TXNDC16: variants seen among roughly 807,000 people sequenced by gnomAD.
TXNDC16 encodes the protein thioredoxin domain containing 16.
TXNDC16 carries 74 observed loss-of-function variants against 85.6 expected under a neutral mutation model. The ratio of observed to expected loss-of-function variants is 0.86; its 90% CI spans 0.72 to 1.05. TXNDC16 has a LOEUF of 1.05. TXNDC16 is among the 50% of genes least tolerant of loss of function. The probability of loss-of-function intolerance (pLI) is 0.00; values close to 1 mark genes in which losing one functional copy is unlikely to be tolerated. For missense variants in TXNDC16, 959 were observed against 947.0 expected (o/e 1.01, Z -0.17); for synonymous variants, 335 against 326.5 (o/e 1.03, Z -0.28).
In TXNDC16 at chr14:52,540,454, A is replaced by G. The variant is rs1277278166; in HGVS notation, c.243+1917T>C. ...AGCCTGACCAATATGGTGAAACCCC[A>G]TCTCTACTAAAACTACAAAAATTAG... On this transcript the variant is annotated intron_variant, in intron 4 of 20. Coordinates refer to ENST00000281741, the MANE Select transcript of TXNDC16 (RefSeq NM_020784.3). Among the ~76,000 whole-genome samples the G allele has an allele frequency of 4.6e-5, 7 of 152,024 alleles. No individual in the cohort carries two copies. The East Asian group carries it at 1.4e-3, about 29-fold the overall frequency.
chr14:52,513,232 A>T (rs7154166), intron 8 of TXNDC16, among the ~76,000 whole-genome samples: 38,904 of 152,130 alleles, frequency 0.26, 5,101 homozygotes, highest in East Asian at 0.38. Flanking sequence ...GCCTTAACTG[A>T]TGTTATAAAG....
chr14:52,521,752 ATACT>A (rs2037216494), intron 6 of TXNDC16, among the ~76,000 whole-genome samples: 2 of 152,200 alleles, frequency 1.3e-5, no homozygotes, highest in African/African-American at 4.8e-5. Context: ...TTTATAAGAA[ATACT>A]TACTGAGCAG....
At position 52,432,272 on chromosome 14, in the gene TXNDC16, A is replaced by T; in HGVS notation, c.*32T>A. ...GGAAATAAATTAAGTCTATCATGCCAAAAAAATTTTGGAAACCACAGCCCT... is the reference window on the plus strand; with the variant it reads ...GGAAATAAATTAAGTCTATCATGCCTAAAAAATTTTGGAAACCACAGCCCT... On this transcript the variant is annotated 3_prime_UTR_variant, in exon 21 of 21. Transcript: ENST00000281741. The T allele has an allele frequency of 6.5e-7, 1 of 1,540,516 alleles. No homozygotes were observed. Among genetic ancestry groups the T allele is most frequent in the Non-Finnish European group, 8.7e-7 (1 of 1,148,202 alleles).
chr14:52,465,500 G>A (rs1318283530), intron 16 of TXNDC16, among the ~76,000 whole-genome samples: 1 of 151,316 alleles, frequency 6.6e-6, no homozygotes, highest in Admixed American at 6.6e-5. Context: ...ACTGAGGCAG[G>A]AGAATGGCGT....
At chr14:52,499,533 C>T (rs1191191850) in intron 9 of TXNDC16, among the ~76,000 whole-genome samples, 1 of 151,134 alleles carries the variant, frequency 6.6e-6, no homozygotes, top group Non-Finnish European at 1.5e-5. Context: ...CGATACTCAA[C>T]ATCACTAATC....
chr14:52,551,077 G>A (rs565086306), intron 1 of TXNDC16, among the ~76,000 whole-genome samples: 1 of 152,142 alleles, frequency 6.6e-6, no homozygotes, highest in African/African-American at 2.4e-5. Context: ...TCTGAGGGAT[G>A]TCTAGGTAAC....
At chr14:52,456,845 T>G (rs913286828) in intron 17 of TXNDC16, among the ~76,000 whole-genome samples, 2 of 152,098 alleles carry the variant, frequency 1.3e-5, no homozygotes, top group South Asian at 4.1e-4. Flanking sequence ...GAGGAAAATT[T>G]TTATAGGAGG....
At chr14:52,474,081 A>G (rs2035967220) in intron 14 of TXNDC16, among the ~76,000 whole-genome samples, 1 of 152,254 alleles carries the variant, frequency 6.6e-6, no homozygotes, top group Non-Finnish European at 1.5e-5. Flanking sequence ...AAAGGAAAAC[A>G]AGTCCTGGGT....
chr14:52,545,281 TTAAA>T (rs2037918667), intron 1 of TXNDC16, among the ~76,000 whole-genome samples: 1 of 152,184 alleles, frequency 6.6e-6, no homozygotes, highest in East Asian at 1.9e-4. Flanking sequence ...CAGCCAATGC[TTAAA>T]TACTTTCCCA....
chr14:52,483,994 A>C (rs1384641385), intron 12 of TXNDC16, among the ~76,000 whole-genome samples: 2 of 152,336 alleles, frequency 1.3e-5, no homozygotes, highest in Non-Finnish European at 2.9e-5. Context: ...GCATGAGCAA[A>C]GGCACAGTGG....
At chr14:52,439,560 G>A (rs1032267818) in intron 19 of TXNDC16, among the ~76,000 whole-genome samples, 166 bp from the exon 20 acceptor site, 2 of 152,144 alleles carry the variant, frequency 1.3e-5, no homozygotes, top group Admixed American at 6.6e-5. Context: ...ATTAGTAACC[G>A]GATTCTTTTA....
intron 5 of TXNDC16, 30 bp downstream of exon 5, chr14:52,537,569 T>A: frequency 1.4e-6 from 2 of 1,441,160 alleles, no homozygotes; most frequent in Admixed American, 3.4e-5. Flanking sequence ...AGCTTTGTAT[T>A]TGTCCAGCAC....
intron 9 of TXNDC16, among the ~76,000 whole-genome samples, chr14:52,496,635 C>A (rs1319614757): frequency 7.0e-6 from 1 of 143,456 alleles, no homozygotes; most frequent in Non-Finnish European, 1.5e-5. Flanking sequence ...GAGACAGAGT[C>A]TCACTCTGTT....
At chr14:52,519,789 T>C (rs923211498) in intron 6 of TXNDC16, among the ~76,000 whole-genome samples, 1 of 152,224 alleles carries the variant, frequency 6.6e-6, no homozygotes, top group Non-Finnish European at 1.5e-5. Flanking sequence ...AGCTATTCCT[T>C]TTGCTCCATT....
At chr14:52,445,258 A>G (rs1257726020) in intron 18 of TXNDC16, among the ~76,000 whole-genome samples, 2 of 152,206 alleles carry the variant, frequency 1.3e-5, no homozygotes, top group African/African-American at 4.8e-5. Context: ...TGTTACTTTA[A>G]TAAGTAATTT....
chr14:52,503,986 T>C (rs1191629451), intron 9 of TXNDC16, among the ~76,000 whole-genome samples: 1 of 151,816 alleles, frequency 6.6e-6, no homozygotes, highest in African/African-American at 2.4e-5. Flanking sequence ...TGATGGAAGA[T>C]CAAATGAATG....
chr14:52,443,473 T>C (rs1277818234), intron 18 of TXNDC16, among the ~76,000 whole-genome samples: 1 of 152,184 alleles, frequency 6.6e-6, no homozygotes, highest in Non-Finnish European at 1.5e-5. Context: ...TCATGGATGA[T>C]TTTAGGAATT....
Position 52,432,307 on chromosome 14 carries a change from G to C in TXNDC16, c.2475C>G (p.Asn825Lys). 2 of 1,598,830 alleles carry C rather than the reference G, an allele frequency of 1.3e-6. No homozygotes were observed. The highest frequency in any genetic ancestry group is 1.7e-6 in the Non-Finnish European group (2 of 1,172,630). Residue 825 changes from asparagine (N) to lysine (K), a missense_variant, in exon 21 of 21, where the codon AAC (asparagine) becomes AAG (lysine). Transcript: ENST00000281741. ...TGGAAACCACAGCCCTATAAAATTA[G>C]TTCACTTTTGAGCATCCTAACTCTT... is the stretch of plus-strand genomic sequence containing the variant. ...RDKELGCSKV[N>K]
intron 18 of TXNDC16, among the ~76,000 whole-genome samples, chr14:52,445,666 T>C (rs575048447): frequency 4.6e-5 from 7 of 152,242 alleles, no homozygotes; most frequent in African/African-American, 7.2e-5. Flanking sequence ...CATAAGATTA[T>C]ACCATGTTTT....
Sources: gnomAD v4.1 joint callset for allele counts (sites outside exome capture counted in the v4.1 genomes callset) on GRCh38, gnomAD v4.1.1 for gene constraint, MANE v1.5 for transcripts, NCBI Gene and HGNC (gene_info 2026-07-23, HGNC 2026-07-21) for gene names.